The following PUS10 variants were observed in gnomAD, a reference collection of about 807,000 sequenced individuals.
PUS10 encodes tRNA pseudouridine synthase Pus10.
In PUS10, 59 loss-of-function variants were observed where a neutral mutation model predicts 75.0. That is an observed-to-expected ratio of 0.79 (90% CI 0.64 to 0.98). The LOEUF is 0.98. Ranked by LOEUF, PUS10 falls within the 50% of genes least tolerant of loss-of-function variation. PUS10 has a pLI of 0.00. For synonymous variants in PUS10, 219 were observed against 211.6 expected, an observed-to-expected ratio of 1.03 and a Z score of -0.30; for missense variants, 650 against 614.4, an observed-to-expected ratio of 1.06 and a Z score of -0.61.
chr2:60,942,630 T>C (rs531280825), intron 17 of PUS10, among the ~76,000 whole-genome samples, 197 bp from the exon 18 acceptor site: 1 of 152,340 alleles, frequency 6.6e-6, no homozygotes, highest in Non-Finnish European at 1.5e-5. Context: ...TCTGAATTAA[T>C]TGAGTAGCAG....
chr2:60,987,727 A>T (rs1408300542), intron 4 of PUS10, among the ~76,000 whole-genome samples: 2 of 152,182 alleles, frequency 1.3e-5, no homozygotes, highest in Admixed American at 6.5e-5. Context: ...GTTCGAGACA[A>T]GCTTGGCCAA....
intron 4 of PUS10, among the ~76,000 whole-genome samples, chr2:60,997,330 G>T (rs568142121): frequency 3.3e-5 from 5 of 152,236 alleles, no homozygotes; most frequent in African/African-American, 1.2e-4. Context: ...ACTTAGTGGG[G>T]CCAGGCGCGG....
intron 15 of PUS10, among the ~76,000 whole-genome samples, chr2:60,952,563 A>G (rs1258363058): frequency 1.3e-5 from 2 of 152,176 alleles, no homozygotes; most frequent in Non-Finnish European, 2.9e-5. Context: ...TTTTATATTT[A>G]TTTTTGACAA....
chr2:61,001,502 C>G (rs993214555), intron 4 of PUS10, among the ~76,000 whole-genome samples: 21 of 152,134 alleles, frequency 1.4e-4, no homozygotes, highest in African/African-American at 4.8e-4. Flanking sequence ...GTCTCGAACT[C>G]CTGACCTCAG....
chr2:60,975,940 T>C (rs1371104466), intron 4 of PUS10, among the ~76,000 whole-genome samples: 3 of 152,128 alleles, frequency 2.0e-5, no homozygotes, highest in Admixed American at 6.6e-5. Flanking sequence ...TTTTATATTT[T>C]TAGTAGAGAC....
rs751650796 is a variant in PUS10 at position 60,961,436 on chromosome 2, A to G, written c.874+27T>C. The G allele has an allele frequency of 5.2e-6, 8 of 1,529,824 alleles. No homozygotes were observed. In the South Asian group the frequency reaches 8.9e-5, roughly 17 times the overall value. The allele number at this position is 1,529,824 out of a possible 1,614,324, so 94.8% of individuals were successfully genotyped here. A position where few individuals can be genotyped will look rare whatever the true frequency, so the allele number is the denominator to read the frequency against. ...AGAAAGGAGAGTACGTTCACAGTGTATGTATATTCTAGACTAAATATTTTA... is the reference window on the plus strand; with the variant it reads ...AGAAAGGAGAGTACGTTCACAGTGTGTGTATATTCTAGACTAAATATTTTA... On this transcript the variant is annotated intron_variant, in intron 10 of 17. Transcript: ENST00000316752.
At chr2:60,994,528 A>C (rs970530085) in intron 4 of PUS10, among the ~76,000 whole-genome samples, 3 of 152,176 alleles carry the variant, frequency 2.0e-5, no homozygotes, top group Non-Finnish European at 4.4e-5. Context: ...CCTGAACATA[A>C]ATGTGATGGG....
At chr2:61,006,501 TGAGAAA>T in intron 4 of PUS10, 50 bp downstream of exon 4, 3 of 1,261,574 alleles carry the variant, frequency 2.4e-6, no homozygotes, top group East Asian at 2.4e-5. Flanking sequence ...TCCCATTTTT[TGAGAAA>T]TTCCTAGCAT....
intron 4 of PUS10, among the ~76,000 whole-genome samples, chr2:60,984,485 A>C (rs1299344443): frequency 6.6e-6 from 1 of 152,234 alleles, no homozygotes; most frequent in Non-Finnish European, 1.5e-5. Flanking sequence ...ACCACCTTTT[A>C]GGAGGGCAAT....
At chr2:61,000,798 A>G (rs1678802259) in intron 4 of PUS10, among the ~76,000 whole-genome samples, 1 of 152,144 alleles carries the variant, frequency 6.6e-6, no homozygotes, top group Non-Finnish European at 1.5e-5. Flanking sequence ...TGTGGGAGAT[A>G]TTTATATCCT....
chr2:60,958,918 C>G (rs183976186), intron 11 of PUS10, among the ~76,000 whole-genome samples: 1 of 152,068 alleles, frequency 6.6e-6, no homozygotes, highest in Non-Finnish European at 1.5e-5. Context: ...ATACTAGGAG[C>G]CTCATTCCAA....
rs750417775 is a variant in PUS10, at chr2:61,018,131, C to T, written c.-139G>A. 3 of 1,549,334 alleles carry T rather than the reference C, an allele frequency of 1.9e-6. No individual in the cohort carries two copies. The highest frequency in any genetic ancestry group is 1.2e-5 in the South Asian group (1 of 83,996). The stretch of plus-strand genomic sequence containing the variant: ...GCTTGAAAGAAAGGGGGGCGGCTTC[C>T]TACCTACCGCTTCTGTTTTCACTTT... On this transcript the variant is annotated 5_prime_UTR_variant, in exon 1 of 18. The change abolishes the stop of an existing upstream ORF in the 5' untranslated region. Coordinates refer to ENST00000316752, the MANE Select transcript of PUS10 (RefSeq NM_144709.4).
At chr2:60,972,072 T>C (rs1255833306) in intron 4 of PUS10, among the ~76,000 whole-genome samples, 1 of 148,928 alleles carries the variant, frequency 6.7e-6, no homozygotes, top group East Asian at 2.0e-4. Flanking sequence ...TTTCACCATG[T>C]TGGCCAGGCT....
At chr2:60,993,523 G>A (rs972948062) in intron 4 of PUS10, among the ~76,000 whole-genome samples, 1 of 151,876 alleles carries the variant, frequency 6.6e-6, no homozygotes, top group Non-Finnish European at 1.5e-5. Flanking sequence ...AAGAAAAACT[G>A]GATAACTTTG....
chr2:60,967,410 G>C, intron 6 of PUS10, 92 bp downstream of exon 6: 1 of 786,114 alleles, frequency 1.3e-6, no homozygotes, highest in Non-Finnish European at 2.1e-6. Flanking sequence ...TATTTAAAAA[G>C]AAGTTTTTTT....
chr2:60,947,428 T>C (rs1465547914), intron 16 of PUS10, among the ~76,000 whole-genome samples: 1 of 152,214 alleles, frequency 6.6e-6, no homozygotes, highest in Non-Finnish European at 1.5e-5. Flanking sequence ...AATCCATCTT[T>C]CTGAGTACTA....
intron 4 of PUS10, among the ~76,000 whole-genome samples, chr2:60,975,151 T>C (rs1676953970): frequency 6.6e-6 from 1 of 152,108 alleles, no homozygotes; most frequent in African/African-American, 2.4e-5. Flanking sequence ...ATGGTTCTGT[T>C]TGTTTGTTTG....
intron 8 of PUS10, 80 bp from the exon 9 acceptor site, chr2:60,962,970 T>C: frequency 6.9e-7 from 1 of 1,456,612 alleles, no homozygotes; most frequent in Non-Finnish European, 9.0e-7. Context: ...AGAACATGGC[T>C]GGAGAAATTG....
chr2:60,950,118 G>A (rs1015589126), intron 15 of PUS10, among the ~76,000 whole-genome samples: 1 of 152,140 alleles, frequency 6.6e-6, no homozygotes, highest in Non-Finnish European at 1.5e-5. Flanking sequence ...ACATAGTATG[G>A]CCAAAAGCCA....
Sources: gnomAD v4.1 joint callset for allele counts (sites outside exome capture counted in the v4.1 genomes callset) on GRCh38, gnomAD v4.1.1 for gene constraint, MANE v1.5 for transcripts, NCBI Gene and HGNC (gene_info 2026-07-23, HGNC 2026-07-21) for gene names.